Variants in BMP7 observed in about 807,000 individuals in gnomAD.
The protein encoded by BMP7 is bone morphogenetic protein 7.
A neutral mutation model predicts 41.2 loss-of-function variants in BMP7; 12 were observed. The ratio of observed to expected loss-of-function variants is 0.29; its 90% CI spans 0.19 to 0.47. The LOEUF is 0.47. Ranked by LOEUF, BMP7 falls within the 20% of genes least tolerant of loss-of-function variation. The pLI is 0.99. For synonymous variants in BMP7, 248 were observed against 250.0 expected, an observed-to-expected ratio of 0.99 and a Z score of 0.07; for missense variants, 467 against 606.0, an observed-to-expected ratio of 0.77 and a Z score of 2.41.
chr20:57,222,232 C>T (rs758061778), intron 2 of BMP7, among the ~76,000 whole-genome samples: 4 of 152,128 alleles, frequency 2.6e-5, no homozygotes, highest in Non-Finnish European at 5.9e-5. Context: ...AGCCACCACC[C>T]GTATGCTCCC....
At chr20:57,200,971 CATGATGACGAGG>C (rs913090977) in intron 3 of BMP7, among the ~76,000 whole-genome samples, 2 of 152,162 alleles carry the variant, frequency 1.3e-5, no homozygotes, top group Non-Finnish European at 2.9e-5. Context: ...TTTTGGTGAT[CATGATGACGAGG>C]ATGATGACTG....
chr20:57,186,362 G>A lies in BMP7; in HGVS notation c.761-2443C>T, dbSNP rs148476539. Reference sequence around the variant, plus strand: ...AATAGAGGGAGCAAACTCCGTGTCCGTTGCTCTGCAGATGGACCTAAGAAC... The same window carrying A: ...AATAGAGGGAGCAAACTCCGTGTCCATTGCTCTGCAGATGGACCTAAGAAC... On this transcript the variant is annotated intron_variant, in intron 3 of 6. Coordinates refer to ENST00000395863, the MANE Select transcript of BMP7 (RefSeq NM_001719.3). Among the ~76,000 whole-genome samples, 22 of 152,324 alleles carry A rather than the reference G, an allele frequency of 1.4e-4. No individual in the cohort carries two copies. The South Asian group carries it at 3.5e-3, about 24-fold the overall frequency.
chr20:57,253,937 C>T (rs939961955), intron 1 of BMP7, among the ~76,000 whole-genome samples: 4 of 151,680 alleles, frequency 2.6e-5, no homozygotes, highest in Admixed American at 2.0e-4. Flanking sequence ...TCAGACTGTA[C>T]CAGTGTTTCC....
At chr20:57,182,233 C>T (rs913702303) in intron 4 of BMP7, among the ~76,000 whole-genome samples, 1 of 152,164 alleles carries the variant, frequency 6.6e-6, no homozygotes, top group Non-Finnish European at 1.5e-5. Context: ...GGGGCATGAG[C>T]CAGGCAAGGG....
At chr20:57,258,986 A>G (rs2066144190) in intron 1 of BMP7, among the ~76,000 whole-genome samples, 1 of 152,224 alleles carries the variant, frequency 6.6e-6, no homozygotes, top group Non-Finnish European at 1.5e-5. Context: ...GAATCTGTTG[A>G]GGAAGAGATT....
intron 5 of BMP7, chr20:57,173,730 C>T (rs1005247589): frequency 4.2e-5 from 11 of 263,446 alleles, no homozygotes; most frequent in Admixed American, 9.8e-5. Flanking sequence ...GGACAGAACG[C>T]GGCACAGGAA....
chr20:57,213,749 T>G lies in BMP7; in HGVS notation c.612-11126A>C, dbSNP rs911739184. Among the ~76,000 whole-genome samples the G allele has an allele frequency of 4.6e-5, 7 of 152,178 alleles. No homozygotes were observed. The highest frequency in any genetic ancestry group is 4.6e-4 in the Admixed American group (7 of 15,278). On this transcript the variant is annotated intron_variant, in intron 2 of 6. Transcript: ENST00000395863. This position sits in a 1 kb window ranked among gnomAD's most constrained non-coding sequence, Gnocchi z 4.4. The stretch of plus-strand genomic sequence containing the variant: ...GTCCCACAGTGGGTGCTCAGGGATG[T>G]AGGCTGTAGGGCTCCAGGCTCTGAG...
In BMP7 at chr20:57,213,519, T is replaced by C. The variant is rs989825597; in HGVS notation, c.612-10896A>G. On this transcript the variant is annotated intron_variant, in intron 2 of 6. Coordinates refer to ENST00000395863, the MANE Select transcript of BMP7 (RefSeq NM_001719.3). This position sits in a 1 kb window ranked among gnomAD's most constrained non-coding sequence, Gnocchi z 4.4. ...TGAAAAGTCCTGCTGCAAAGAAATG[T>C]CTGCTCCGGCAATGGAGCGCAGTAA... Among the ~76,000 whole-genome samples the C allele has an allele frequency of 6.6e-6, 1 of 152,222 alleles. No homozygotes were observed. Among genetic ancestry groups the C allele is most frequent in the Non-Finnish European group, 1.5e-5 (1 of 68,024 alleles).
chr20:57,209,256 TA>T (rs1984821767), intron 2 of BMP7, among the ~76,000 whole-genome samples: 3 of 106,214 alleles, frequency 2.8e-5, no homozygotes, highest in African/African-American at 9.2e-5. Flanking sequence ...TTTTTATATA[TA>T]TATATATATA....
intron 3 of BMP7, among the ~76,000 whole-genome samples, chr20:57,198,781 G>T (rs1456258512): frequency 6.6e-6 from 1 of 152,134 alleles, no homozygotes; most frequent in Non-Finnish European, 1.5e-5. Context: ...GCTCATGTGG[G>T]GTTAAACACC....
Position 57,228,148 on chromosome 20 carries a change from C to T in BMP7, c.611+81G>A. On this transcript the variant is annotated intron_variant, in intron 2 of 6. Transcript: ENST00000395863. The surrounding 1 kb of genome is among the most constrained non-coding windows in gnomAD (Gnocchi z 4.5). ...GGCACGTGGTTGTGCCAATCTGACC[C>T]ATCCTCTGGCCCTCACCACCTTCTT... The T allele has an allele frequency of 1.3e-6, 2 of 1,499,440 alleles. No individual in the cohort carries two copies. The highest frequency in any genetic ancestry group is 1.4e-5 in the African/African-American group (1 of 72,562). The allele number at this position is 1,499,440 out of a possible 1,614,324, so 92.9% of individuals were successfully genotyped here.
intron 4 of BMP7, among the ~76,000 whole-genome samples, chr20:57,183,197 T>C (rs1210245113): frequency 6.6e-6 from 1 of 151,724 alleles, no homozygotes; most frequent in East Asian, 1.9e-4. Context: ...ATCGCACCAC[T>C]GCACTGCAGC....
chr20:57,261,967 C>G lies in BMP7; in HGVS notation c.418+3738G>C, dbSNP rs2066155946. On this transcript the variant is annotated intron_variant, in intron 1 of 6. Coordinates refer to ENST00000395863, the MANE Select transcript of BMP7 (RefSeq NM_001719.3). The surrounding 1 kb of genome is among the most constrained non-coding windows in gnomAD (Gnocchi z 4.1). ...CAAACTGCACGGCCTTCTCCCTACT[C>G]TTCAGCTACATTAACAAAAGCCACT... 6.6e-6 allele frequency among the ~76,000 whole-genome samples: 1 copy of G among 152,246 alleles called. No individual in the cohort carries two copies. Among genetic ancestry groups the G allele is most frequent in the Non-Finnish European group, 1.5e-5 (1 of 68,038 alleles).
chr20:57,216,762 G>A (rs1428730022), intron 2 of BMP7, among the ~76,000 whole-genome samples: 5 of 152,156 alleles, frequency 3.3e-5, no homozygotes, highest in East Asian at 1.9e-4. Flanking sequence ...GCGGCTCAGC[G>A]GGTCCATCTC....
At chr20:57,244,417 G>C (rs62205692) in intron 1 of BMP7, among the ~76,000 whole-genome samples, 23,978 of 152,230 alleles carry the variant, frequency 0.16, 2,233 homozygotes, top group South Asian at 0.22. Context: ...ACTTAGTGAA[G>C]TGGGTTTTGA....
rs1984965771 is a variant in BMP7 at position 57,214,454 on chromosome 20, A to G, written c.612-11831T>C. Among the ~76,000 whole-genome samples, 1 of 152,084 alleles carries G rather than the reference A, an allele frequency of 6.6e-6. No homozygotes were observed. Among genetic ancestry groups the G allele is most frequent in the African/African-American group, 2.4e-5 (1 of 41,388 alleles). On this transcript the variant is annotated intron_variant, in intron 2 of 6. Transcript: ENST00000395863. This position sits in a 1 kb window ranked among gnomAD's most constrained non-coding sequence, Gnocchi z 4.0. ...GACAGTCCAAACCGAGAAACTGGGGAGAGAGAGGAGGCATTATTGTCAACT... is the reference window on the plus strand; with the variant it reads ...GACAGTCCAAACCGAGAAACTGGGGGGAGAGAGGAGGCATTATTGTCAACT...
intron 1 of BMP7, among the ~76,000 whole-genome samples, chr20:57,247,412 C>T (rs2066094598): frequency 6.6e-6 from 1 of 152,222 alleles, no homozygotes; most frequent in South Asian, 2.1e-4. Context: ...AAACCACATT[C>T]AAGGCAAGAC....
At chr20:57,185,695 G>C (rs1044795273) in intron 3 of BMP7, among the ~76,000 whole-genome samples, 1 of 152,200 alleles carries the variant, frequency 6.6e-6, no homozygotes, top group Non-Finnish European at 1.5e-5. Flanking sequence ...GTGAGGGAGG[G>C]AGTAGGGCCC....
chr20:57,201,643 A>C (rs1219145456), intron 3 of BMP7, among the ~76,000 whole-genome samples: 1 of 152,252 alleles, frequency 6.6e-6, no homozygotes, highest in Non-Finnish European at 1.5e-5. Context: ...GTGTTTATTC[A>C]AAAATAAATG....
Sources: gnomAD v4.1 joint callset for allele counts (sites outside exome capture counted in the v4.1 genomes callset) on GRCh38, gnomAD v4.1.1 for gene constraint, Gnocchi (gnomAD v3.1) non-coding constraint, MANE v1.5 for transcripts, NCBI Gene and HGNC (gene_info 2026-07-23, HGNC 2026-07-21) for gene names.